LUZP2: variants seen among roughly 807,000 people sequenced by gnomAD.
The protein encoded by LUZP2 is leucine zipper protein 2.
Under a neutral mutation model 51.6 loss-of-function variants are expected in LUZP2, and 52 were observed. The observed-to-expected ratio is 1.01, with a 90% confidence interval of 0.81 to 1.27. The LOEUF is 1.27. Among genes scored for constraint, LUZP2 ranks in the 50% most tolerant of loss-of-function variants. The pLI is 0.00. For missense variants in LUZP2, 436 were observed against 395.4 expected (o/e 1.10, Z -0.87); for synonymous variants, 154 against 137.3 (o/e 1.12, Z -0.85).
chr11:24,851,956 G>T (rs1158319679), intron 5 of LUZP2, among the ~76,000 whole-genome samples: 1 of 152,188 alleles, frequency 6.6e-6, no homozygotes. Context: ...TGTGGGATCA[G>T]TGGTGATATC....
rs199740839 is a variant in LUZP2 at position 24,667,184 on chromosome 11, C to CTTTTTTTTTT, written c.63-61977_63-61968dup. The stretch of plus-strand genomic sequence containing the variant: ...GCCCAAATATACATTTTCTTTTTTT[C>CTTTTTTTTTT]TTTTTTTTTTTTTTTTTGAGACGGA... On this transcript the variant is annotated intron_variant, in intron 1 of 11. Coordinates refer to ENST00000336930, the MANE Select transcript of LUZP2 (RefSeq NM_001009909.4). Among the ~76,000 whole-genome samples the CTTTTTTTTTT allele has an allele frequency of 1.2e-3, 156 of 132,010 alleles. 2 individuals are homozygous for CTTTTTTTTTT. The highest frequency in any genetic ancestry group is 2.8e-3 in the East Asian group (13 of 4,598). The allele number at this position is 132,010 out of a possible 152,430, so 86.6% of individuals were successfully genotyped here.
intron 1 of LUZP2, among the ~76,000 whole-genome samples, chr11:24,715,615 C>T (rs560490979): frequency 9.5e-4 from 145 of 152,246 alleles, no homozygotes; most frequent in African/African-American, 3.3e-3. Context: ...TCATCCTATG[C>T]GTCATTCAAG....
At chr11:24,754,149 T>TATTG (rs1306893015) in intron 4 of LUZP2, among the ~76,000 whole-genome samples, 1 of 152,140 alleles carries the variant, frequency 6.6e-6, no homozygotes, top group African/African-American at 2.4e-5. Context: ...CATCAGTGTT[T>TATTG]TTTGTTTGTT....
chr11:24,900,042 T>C (rs1853225799), intron 5 of LUZP2, among the ~76,000 whole-genome samples: 2 of 152,218 alleles, frequency 1.3e-5, no homozygotes, highest in African/African-American at 4.8e-5. Flanking sequence ...GCTATGTCTA[T>C]TGACTGATTT....
intron 5 of LUZP2, among the ~76,000 whole-genome samples, chr11:24,832,260 A>C (rs933823033): frequency 1.3e-5 from 2 of 151,552 alleles, no homozygotes; most frequent in African/African-American, 4.8e-5. Context: ...TGTTGATGTT[A>C]TCACTTGACT....
chr11:24,998,437 A>G (rs537805182), intron 9 of LUZP2, among the ~76,000 whole-genome samples: 5 of 152,162 alleles, frequency 3.3e-5, no homozygotes, highest in Admixed American at 6.6e-5. Flanking sequence ...TTATTGGTGT[A>G]TAAGAATGCT....
intron 1 of LUZP2, among the ~76,000 whole-genome samples, chr11:24,551,043 A>G (rs1851709941): frequency 6.6e-6 from 1 of 152,122 alleles, no homozygotes; most frequent in African/African-American, 2.4e-5. Context: ...TAAAATTTAT[A>G]CATTTAGAAG....
At chr11:24,533,322 G>A (rs996241697) in intron 1 of LUZP2, among the ~76,000 whole-genome samples, 2 of 151,070 alleles carry the variant, frequency 1.3e-5, no homozygotes, top group African/African-American at 4.8e-5. Context: ...TAAAAGTATC[G>A]GATCTTTTTT....
Position 24,665,431 on chromosome 11 carries a change from G to A in LUZP2, c.63-63738G>A, listed in dbSNP as rs554423445. 5.3e-5 allele frequency among the ~76,000 whole-genome samples: 8 copies of A among 152,250 alleles called. No homozygotes were observed. The East Asian group carries it at 1.5e-3, about 29-fold the overall frequency. ...ATGCTGGAATGAGTTAAGACTTTGGGAGACTGTTGAAAGGACAGAATTGTG... is the reference window on the plus strand; with the variant it reads ...ATGCTGGAATGAGTTAAGACTTTGGAAGACTGTTGAAAGGACAGAATTGTG... On this transcript the variant is annotated intron_variant, in intron 1 of 11. Coordinates refer to ENST00000336930, the MANE Select transcript of LUZP2 (RefSeq NM_001009909.4).
At chr11:24,774,432 G>T (rs71478104) in intron 5 of LUZP2, among the ~76,000 whole-genome samples, 1 of 104,700 alleles carries the variant, frequency 9.6e-6, no homozygotes. Context: ...ATATCTGTAG[G>T]GAGAATATAT....
At chr11:24,966,814 A>C (rs1855596980) in intron 7 of LUZP2, among the ~76,000 whole-genome samples, 1 of 147,508 alleles carries the variant, frequency 6.8e-6, no homozygotes, top group Non-Finnish European at 1.5e-5. Flanking sequence ...TCCATTATAT[A>C]ATGTAAAAAT....
rs1859458936 is a variant in LUZP2 at position 25,081,490 on chromosome 11, T to G, written c.*2832T>G. 6.6e-6 allele frequency: 1 copy of G among 152,138 alleles called. No homozygotes were observed. The highest frequency in any genetic ancestry group is 2.4e-5 in the African/African-American group (1 of 41,428). 9.4% of individuals were successfully genotyped at this position (152,138 alleles called of 1,614,324 possible). On this transcript the variant is annotated 3_prime_UTR_variant, in exon 12 of 12. Transcript: ENST00000336930. ...TAGGAGTTCCTTTTAATAACTAAGT[T>G]AGAGACTCTCTTTCAGTAAGTTCTA...
At chr11:24,897,618 C>T (rs147180348) in intron 5 of LUZP2, among the ~76,000 whole-genome samples, 3 of 152,180 alleles carry the variant, frequency 2.0e-5, no homozygotes, top group East Asian at 1.9e-4. Flanking sequence ...TGACCATGTC[C>T]GAACATCAGA....
chr11:24,599,380 G>A (rs67744437), intron 1 of LUZP2, among the ~76,000 whole-genome samples: 4,412 of 151,922 alleles, frequency 0.029, 150 homozygotes, highest in East Asian at 0.15. Context: ...TCTGACCATC[G>A]TTCTTGCAAG....
At chr11:24,585,663 G>A (rs536124199) in intron 1 of LUZP2, among the ~76,000 whole-genome samples, 14 of 151,790 alleles carry the variant, frequency 9.2e-5, no homozygotes, top group Non-Finnish European at 1.8e-4. Context: ...GTGTTGGCTG[G>A]GTCTGCTGAA....
intron 10 of LUZP2, among the ~76,000 whole-genome samples, chr11:25,056,768 C>G (rs1565291149): frequency 6.6e-6 from 1 of 152,158 alleles, no homozygotes; most frequent in East Asian, 1.9e-4. Context: ...TTGTAATAAT[C>G]CCACGTAGAT....
chr11:24,828,034 C>T (rs35181517), intron 5 of LUZP2, among the ~76,000 whole-genome samples: 2 of 145,696 alleles, frequency 1.4e-5, no homozygotes, highest in Admixed American at 6.8e-5. Context: ...AGGAGAAACA[C>T]ACACACACAC....
chr11:25,054,993 TA>T (rs144071522), intron 10 of LUZP2, among the ~76,000 whole-genome samples: 6,828 of 146,806 alleles, frequency 0.047, 324 homozygotes, highest in African/African-American at 0.11. Flanking sequence ...TCCATTTTCT[TA>T]AATCTTTTTT....
intron 1 of LUZP2, among the ~76,000 whole-genome samples, chr11:24,557,485 TAGA>T (rs1851907627): frequency 1.3e-5 from 2 of 152,084 alleles, no homozygotes; most frequent in East Asian, 3.9e-4. Context: ...TTCAGTCAAA[TAGA>T]AGCAAATAGA....
Sources: allele counts gnomAD v4.1 joint callset (sites outside exome capture counted in the v4.1 genomes callset), GRCh38; gene constraint gnomAD v4.1.1; transcripts MANE v1.5; gene names NCBI Gene and HGNC (gene_info 2026-07-23, HGNC 2026-07-21).